INPP5A: variants seen among roughly 807,000 people sequenced by gnomAD.
INPP5A encodes 43 kDa inositol polyphosphate 5-phophatase.
INPP5A carries 14 observed loss-of-function variants against 65.2 expected under a neutral mutation model. The observed-to-expected ratio is 0.21, with a 90% CI of 0.14 to 0.34. The LOEUF (loss-of-function observed/expected upper bound fraction) is 0.34. Ranked by LOEUF, INPP5A falls within the 10% of genes least tolerant of loss-of-function variation. INPP5A has a pLI of 1.00. For missense variants in INPP5A, 431 were observed against 545.6 expected, an observed-to-expected ratio of 0.79 and a Z score of 2.09; for synonymous variants, 207 against 208.3, an observed-to-expected ratio of 0.99 and a Z score of 0.05.
chr10:132,766,148 CTGTG>C (rs750252938), intron 12 of INPP5A, among the ~76,000 whole-genome samples: 109 of 150,564 alleles, frequency 7.2e-4, no homozygotes, highest in Non-Finnish European at 1.2e-3. Context: ...ACGTGTGCAT[CTGTG>C]TGTGCACGTG....
chr10:132,769,809 C>G (rs35660338), intron 12 of INPP5A, among the ~76,000 whole-genome samples: 30 of 151,922 alleles, frequency 2.0e-4, no homozygotes, highest in South Asian at 4.2e-4. Context: ...CTCCCCCCCC[C>G]CAAGTTCCTG....
At chr10:132,721,501 G>C (rs1261484046) in intron 8 of INPP5A, among the ~76,000 whole-genome samples, 1 of 151,594 alleles carries the variant, frequency 6.6e-6, no homozygotes, top group South Asian at 2.1e-4. Flanking sequence ...TGTGGTGCCT[G>C]GGTTCTGTCT....
rs56299755 is a variant in INPP5A at position 132,755,455 on chromosome 10, TGAGC to T, written c.903+5614_903+5617del. Among the ~76,000 whole-genome samples the T allele has an allele frequency of 7.1e-3, 1,011 of 142,350 alleles. 16 individuals are homozygous for T. Among genetic ancestry groups the T allele is most frequent in the Non-Finnish European group, 0.012 (790 of 65,190 alleles). 93.4% of individuals were successfully genotyped at this position (142,350 alleles called of 152,430 possible). ...GTGGGTGTGTGCATGAGAGCAGGTG[TGAGC>T]GAGTGTGTGTGAGCAGGCATACGCA... On this transcript the variant is annotated intron_variant, in intron 11 of 15. Coordinates refer to ENST00000368594, the MANE Select transcript of INPP5A (RefSeq NM_005539.5).
chr10:132,621,529 G>T (rs558740602), intron 2 of INPP5A, among the ~76,000 whole-genome samples: 14 of 152,290 alleles, frequency 9.2e-5, no homozygotes, highest in African/African-American at 3.4e-4. Flanking sequence ...GGGCTTTCAG[G>T]TCACAGGTAG....
At chr10:132,683,246 G>A (rs908925854) in intron 4 of INPP5A, among the ~76,000 whole-genome samples, 2 of 131,816 alleles carry the variant, frequency 1.5e-5, no homozygotes, top group African/African-American at 5.9e-5. Flanking sequence ...GCAAGGCCAT[G>A]TGTTGTATTA....
chr10:132,688,622 A>T (rs933337017), intron 4 of INPP5A, among the ~76,000 whole-genome samples: 2 of 151,498 alleles, frequency 1.3e-5, no homozygotes, highest in Non-Finnish European at 2.9e-5. Context: ...TGTGAGTGTG[A>T]GCAAGTGCGT....
intron 8 of INPP5A, among the ~76,000 whole-genome samples, chr10:132,717,560 G>A (rs1260474754): frequency 6.6e-6 from 1 of 151,290 alleles, no homozygotes; most frequent in Non-Finnish European, 1.5e-5. Context: ...CCTGGGTTCT[G>A]TCTGAGGGCG....
rs1845548414 is a variant in INPP5A at position 132,707,099 on chromosome 10, T to C, written c.475-1214T>C. ...AGGGAGCACGCCACGCTGGACCCTT[T>C]CTTCACGGGTGTTTCGTCCACAGTT... On this transcript the variant is annotated intron_variant, in intron 6 of 15. Transcript: ENST00000368594. This position sits in a 1 kb window ranked among gnomAD's most constrained non-coding sequence, Gnocchi z 5.5. Among the ~76,000 whole-genome samples the C allele has an allele frequency of 6.6e-6, 1 of 152,210 alleles. No individual in the cohort carries two copies. The highest frequency in any genetic ancestry group is 2.1e-4 in the South Asian group (1 of 4,832).
chr10:132,607,900 C>A lies in INPP5A; in HGVS notation c.76-15C>A, dbSNP rs762077339. The A allele has an allele frequency of 6.2e-7, 1 of 1,606,700 alleles. No individual in the cohort carries two copies. The stretch of plus-strand genomic sequence containing the variant: ...ATTGGTCTGACTGGCTTTTCTTTTT[C>A]TTCTTAATTTACAGCCAGAAAACCT... On this transcript the variant is annotated splice_polypyrimidine_tract_variant and intron_variant, in intron 1 of 15. Coordinates refer to ENST00000368594, the MANE Select transcript of INPP5A (RefSeq NM_005539.5).
rs1267647502 is a variant in INPP5A at position 132,782,987 on chromosome 10, GAGAAAT to G, written c.*967_*972del. On this transcript the variant is annotated 3_prime_UTR_variant, in exon 16 of 16. Coordinates refer to ENST00000368594, the MANE Select transcript of INPP5A (RefSeq NM_005539.5). The surrounding 1 kb of genome is among the most constrained non-coding windows in gnomAD (Gnocchi z 4.4). ...CTACGTTACAACAATAATATCATGG[GAGAAAT>G]AGAAATAGCCTAGTTTGCTTCCAAT... 1.3e-5 allele frequency: 2 copies of G among 152,378 alleles called. No homozygotes were observed. The highest frequency in any genetic ancestry group is 2.9e-5 in the Non-Finnish European group (2 of 68,036). The allele number at this position is 152,378 out of a possible 1,614,324, so 9.4% of individuals were successfully genotyped here. A position where few individuals can be genotyped will look rare whatever the true frequency, so the allele number is the denominator to read the frequency against.
Position 132,707,813 on chromosome 10 carries a change from G to T in INPP5A, c.475-500G>T, listed in dbSNP as rs1190488197. On this transcript the variant is annotated intron_variant, in intron 6 of 15. Transcript: ENST00000368594. The surrounding 1 kb of genome is among the most constrained non-coding windows in gnomAD (Gnocchi z 5.5). ...CGGTGGGTGAGAGGCATCGGTGGGTGAACGGCATCGGTGGGTGAGAGGCAT... is the reference window on the plus strand; with the variant it reads ...CGGTGGGTGAGAGGCATCGGTGGGTTAACGGCATCGGTGGGTGAGAGGCAT... 6.6e-6 allele frequency among the ~76,000 whole-genome samples: 1 copy of T among 151,840 alleles called. No homozygotes were observed. The highest frequency in any genetic ancestry group is 2.4e-5 in the African/African-American group (1 of 41,364).
chr10:132,688,807 AGT>A (rs554119714), intron 4 of INPP5A, among the ~76,000 whole-genome samples: 42 of 112,730 alleles, frequency 3.7e-4, no homozygotes, highest in South Asian at 1.8e-3. Context: ...TGTGTGCACC[AGT>A]GTGAGTGCAT....
At position 132,619,503 on chromosome 10, in the gene INPP5A, G is replaced by T. The variant is rs964918249; in HGVS notation, c.117+11547G>T. Among the ~76,000 whole-genome samples the T allele has an allele frequency of 1.1e-4, 16 of 152,172 alleles. 1 individual carries two copies. The East Asian group carries it at 3.1e-3, about 29-fold the overall frequency. ...AGGCACAGGGTACAAGCTGCCAGTG[G>T]ATATACCATTTTGGGATCTGGAGGA... On this transcript the variant is annotated intron_variant, in intron 2 of 15. Coordinates refer to ENST00000368594, the MANE Select transcript of INPP5A (RefSeq NM_005539.5).
chr10:132,765,925 G>A (rs572611514), intron 12 of INPP5A, 79 bp downstream of exon 12: 55 of 820,794 alleles, frequency 6.7e-5, no homozygotes, highest in Middle Eastern at 4.7e-4. Context: ...GTGCATCTGC[G>A]TGTCTGTGTG....
chr10:132,691,256 T>C (rs1043405770), intron 5 of INPP5A, among the ~76,000 whole-genome samples: 1 of 152,138 alleles, frequency 6.6e-6, no homozygotes, highest in Admixed American at 6.5e-5. Flanking sequence ...GCCAGCAAAA[T>C]GATTTGTCAC....
chr10:132,735,461 C>T (rs563203551), intron 9 of INPP5A, among the ~76,000 whole-genome samples: 48 of 152,324 alleles, frequency 3.2e-4, no homozygotes, highest in Middle Eastern at 6.8e-3. Context: ...AGGCGGTGCC[C>T]GGTGGCACGG....
intron 9 of INPP5A, among the ~76,000 whole-genome samples, chr10:132,734,769 G>A (rs1490526374): frequency 2.0e-5 from 3 of 152,240 alleles, no homozygotes; most frequent in East Asian, 1.9e-4. Flanking sequence ...ATTTCCCACC[G>A]AAGTGTCTGT....
chr10:132,618,490 C>T (rs11146435), intron 2 of INPP5A, among the ~76,000 whole-genome samples: 1 of 152,216 alleles, frequency 6.6e-6, no homozygotes, highest in Non-Finnish European at 1.5e-5. Flanking sequence ...CTCATTATTG[C>T]TCATTTTAAA....
chr10:132,763,444 C>T lies in INPP5A; in HGVS notation c.904-2329C>T, dbSNP rs763638815. Among the ~76,000 whole-genome samples, 46 of 152,264 alleles carry T rather than the reference C, an allele frequency of 3.0e-4. 1 individual carries two copies. Among genetic ancestry groups the T allele is most frequent in the Non-Finnish European group, 2.2e-4 (15 of 68,052 alleles). ...GCTCCAGAATGACCTAGAGATGATG[C>T]GTGTTTATAGGCCTGTGTGTGAATG... On this transcript the variant is annotated intron_variant, in intron 11 of 15. Transcript: ENST00000368594.
Sources: gnomAD v4.1 joint callset for allele counts (sites outside exome capture counted in the v4.1 genomes callset) on GRCh38, gnomAD v4.1.1 for gene constraint, Gnocchi (gnomAD v3.1) non-coding constraint, MANE v1.5 for transcripts, NCBI Gene and HGNC (gene_info 2026-07-23, HGNC 2026-07-21) for gene names.